Variants in CAMSAP2 observed in about 807,000 individuals in gnomAD.
The protein encoded by CAMSAP2 is calmodulin regulated spectrin associated protein family member 2, also known as calmodulin-regulated spectrin-associated protein 2.
In CAMSAP2, 26 loss-of-function variants were observed where a neutral mutation model predicts 146.1. The observed-to-expected ratio is 0.18, with a 90% CI of 0.13 to 0.25. CAMSAP2 has a LOEUF of 0.25. Ranked by LOEUF, CAMSAP2 falls within the 10% of genes least tolerant of loss-of-function variation. CAMSAP2 has a pLI of 1.00. For missense variants in CAMSAP2, 1,381 were observed against 1,759.3 expected, an observed-to-expected ratio of 0.78 and a Z score of 3.85; for synonymous variants, 499 against 596.6, an observed-to-expected ratio of 0.84 and a Z score of 2.38.
In CAMSAP2 at chr1:200,739,673, G is replaced by C. The variant is rs1299100476; in HGVS notation, c.-155G>C. On this transcript the variant is annotated 5_prime_UTR_variant, in exon 1 of 17. Transcript: ENST00000358823. The surrounding 1 kb of genome is among the most constrained non-coding windows in gnomAD (Gnocchi z 4.8). The stretch of plus-strand genomic sequence containing the variant: ...GCGGGAGGCGGCAGGCGCGCGGCGC[G>C]GACAGCTGAGCTTCTCCTCCGTCGG... 5 of 578,974 alleles carry C rather than the reference G, an allele frequency of 8.6e-6. No homozygotes were observed. The highest frequency in any genetic ancestry group is 7.5e-5 in the East Asian group (2 of 26,822). 35.9% of individuals were successfully genotyped at this position (578,974 alleles called of 1,614,324 possible). A position where few individuals can be genotyped will look rare whatever the true frequency, so the allele number is the denominator to read the frequency against.
Position 200,761,236 on chromosome 1 carries a change from T to C in CAMSAP2, c.399+138T>C, listed in dbSNP as rs1294852226. Reference sequence around the variant, plus strand: ...TAGAGTTTACAACTCATCTTTTTCTTAACCTTGTTTCCAAATGAAGGAAGA... The same window carrying C: ...TAGAGTTTACAACTCATCTTTTTCTCAACCTTGTTTCCAAATGAAGGAAGA... On this transcript the variant is annotated intron_variant, in intron 2 of 16. Coordinates refer to ENST00000358823, the MANE Select transcript of CAMSAP2 (RefSeq NM_203459.4). 6 of 807,548 alleles carry C rather than the reference T, an allele frequency of 7.4e-6. No individual in the cohort carries two copies. In the East Asian group the frequency reaches 1.0e-4, roughly 14 times the overall value. The allele number at this position is 807,548 out of a possible 1,614,324, so 50.0% of individuals were successfully genotyped here. A position where few individuals can be genotyped will look rare whatever the true frequency, so the allele number is the denominator to read the frequency against.
At chr1:200,759,893 T>C (rs964409490) in intron 1 of CAMSAP2, among the ~76,000 whole-genome samples, 1 of 152,194 alleles carries the variant, frequency 6.6e-6, no homozygotes, top group Non-Finnish European at 1.5e-5. Context: ...CAGGGTAGAA[T>C]AGGCAAGAAA....
At position 200,853,277 on chromosome 1, in the gene CAMSAP2, G is replaced by A. The variant is rs1036363290; in HGVS notation, c.3605G>A (p.Arg1202His). ...ACTGTAACCATTTGATTTCTTAGGC[G>A]TAAAACTGAGGAAGAACGTCAGAAG... ...EMEHKKEETR[R>H]KTEEERQKKE... The change falls in exon 13 of 17, where the codon CGT becomes CAT. Residue 1202 changes from arginine to histidine, a missense_variant and splice_region_variant. Around this residue, in one of 4 missense-constraint regions of CAMSAP2, gnomAD observed 560 missense variants for 715.9 expected, o/e 0.78. Transcript: ENST00000358823. The surrounding 1 kb of genome is among the most constrained non-coding windows in gnomAD (Gnocchi z 5.1). 9 of 1,612,406 alleles carry A rather than the reference G, an allele frequency of 5.6e-6. No individual in the cohort carries two copies. The highest frequency in any genetic ancestry group is 2.2e-5 in the East Asian group (1 of 44,832).
chr1:200,817,416 C>T (rs1012736162), intron 4 of CAMSAP2, among the ~76,000 whole-genome samples: 1 of 152,048 alleles, frequency 6.6e-6, no homozygotes, highest in Non-Finnish European at 1.5e-5. Context: ...GTGTGTTTGT[C>T]ATATGCTAAG....
In CAMSAP2 at chr1:200,816,789, T is replaced by C. The variant is rs202175716; in HGVS notation, c.645+1145T>C. Among the ~76,000 whole-genome samples, 432 of 84,752 alleles carry C rather than the reference T, an allele frequency of 5.1e-3. 98 individuals carry two copies. Among genetic ancestry groups the C allele is most frequent in the East Asian group, 0.018 (39 of 2,130 alleles). The allele number at this position is 84,752 out of a possible 152,430, so 55.6% of individuals were successfully genotyped here. A position where few individuals can be genotyped will look rare whatever the true frequency, so the allele number is the denominator to read the frequency against. On this transcript the variant is annotated intron_variant, in intron 4 of 16. Coordinates refer to ENST00000358823, the MANE Select transcript of CAMSAP2 (RefSeq NM_203459.4). ...ACACACACACGCGTGTATATATGTG[T>C]GTACACACACACGCGTGTATATATG...
intron 4 of CAMSAP2, among the ~76,000 whole-genome samples, chr1:200,827,886 A>G (rs886937154): frequency 2.4e-4 from 36 of 152,308 alleles, no homozygotes; most frequent in Middle Eastern, 3.4e-3. Context: ...GGTTTATTAT[A>G]TTCATTTTTT....
At chr1:200,797,469 C>T (rs1310289638) in intron 2 of CAMSAP2, among the ~76,000 whole-genome samples, 1 of 142,170 alleles carries the variant, frequency 7.0e-6, no homozygotes, top group Non-Finnish European at 1.5e-5. Flanking sequence ...TAAATGTCTT[C>T]TTTTGAGAAG....
rs148319973 is a variant in CAMSAP2, at chr1:200,836,750, C to A, written c.927+3905C>A. On this transcript the variant is annotated intron_variant, in intron 6 of 16. Coordinates refer to ENST00000358823, the MANE Select transcript of CAMSAP2 (RefSeq NM_203459.4). ...CTTTTTCTCTGCAACTTTGTCAACA[C>A]CTATTATTTTTTGACTTTTTAGTAA... is the stretch of plus-strand genomic sequence containing the variant. Among the ~76,000 whole-genome samples, 30 of 152,200 alleles carry A rather than the reference C, an allele frequency of 2.0e-4. No homozygotes were observed. The East Asian group carries it at 5.4e-3, about 27-fold the overall frequency.
chr1:200,813,790 G>C (rs187447660), intron 3 of CAMSAP2, among the ~76,000 whole-genome samples: 7 of 152,150 alleles, frequency 4.6e-5, no homozygotes, highest in Non-Finnish European at 8.8e-5. Context: ...ATTAGAAAGT[G>C]TTTGTTTTTT....
chr1:200,857,914 A>T lies in CAMSAP2; in HGVS notation c.4292A>T (p.Tyr1431Phe). 1.9e-6 allele frequency: 3 copies of T among 1,613,946 alleles called. No individual in the cohort carries two copies. The highest frequency in any genetic ancestry group is 2.5e-6 in the Non-Finnish European group (3 of 1,179,860). Reference sequence around the variant, plus strand: ...ACTAAAAAAATGATTGAAGGACTTTACAAATATAATTCTGACAGGAAACAG... The same window carrying T: ...ACTAAAAAAATGATTGAAGGACTTTTCAAATATAATTCTGACAGGAAACAG... ...SITKKMIEGL[Y>F]KYNSDRKQFS... is the part of the protein sequence containing the mutation. The change falls in exon 17 of 17, where the codon TAC becomes TTC. Residue 1431 changes from tyrosine (Y) to phenylalanine (F), a missense_variant. By Grantham distance (22) the Tyr-to-Phe change is conservative. Around this residue, in one of 4 missense-constraint regions of CAMSAP2, gnomAD observed 90 missense variants for 174.4 expected, o/e 0.52. Transcript: ENST00000358823. The surrounding 1 kb of genome is among the most constrained non-coding windows in gnomAD (Gnocchi z 4.7).
In CAMSAP2 at chr1:200,848,731, T is replaced by C; in HGVS notation, c.1962T>C (p.Thr654=). 1 of 1,614,172 alleles carries C rather than the reference T, an allele frequency of 6.2e-7. No homozygotes were observed. Among genetic ancestry groups the C allele is most frequent in the Non-Finnish European group, 8.5e-7 (1 of 1,179,996 alleles). ...SKFLQDYDIR[T]GNTREALSPC... is the part of the protein sequence containing the mutation. ...TTCTTCAGGATTATGATATTCGAAC[T>C]GGCAACACCAGGGAAGCTTTGAGTC... Residue 654 remains threonine, a synonymous_variant, in exon 11 of 17, where the codon ACT becomes ACC. Transcript: ENST00000358823.
Position 200,859,390 on chromosome 1 carries a change from T to A in CAMSAP2, c.*1331T>A, listed in dbSNP as rs1667827936. On this transcript the variant is annotated 3_prime_UTR_variant, in exon 17 of 17. Transcript: ENST00000358823. ...TATATACATTTCTCTAATTGAGTTGTTTAGAGAAAGAACTAATGTCTCATA... is the reference window on the plus strand; with the variant it reads ...TATATACATTTCTCTAATTGAGTTGATTAGAGAAAGAACTAATGTCTCATA... The A allele has an allele frequency of 6.6e-6, 1 of 152,620 alleles. No homozygotes were observed. Among genetic ancestry groups the A allele is most frequent in the South Asian group, 2.1e-4 (1 of 4,832 alleles). 9.5% of individuals were successfully genotyped at this position (152,620 alleles called of 1,614,324 possible).
At chr1:200,774,770 A>C (rs1248444671) in intron 2 of CAMSAP2, among the ~76,000 whole-genome samples, 1 of 152,238 alleles carries the variant, frequency 6.6e-6, no homozygotes, top group Non-Finnish European at 1.5e-5. Context: ...GTTAGTATAT[A>C]ATTCACAAAA....
At chr1:200,798,013 C>T (rs1324642146) in intron 2 of CAMSAP2, among the ~76,000 whole-genome samples, 3 of 151,644 alleles carry the variant, frequency 2.0e-5, no homozygotes, top group Non-Finnish European at 2.9e-5. Context: ...AGGGCTCTGT[C>T]CTGTTCCATT....
At chr1:200,796,323 T>C (rs927180630) in intron 2 of CAMSAP2, among the ~76,000 whole-genome samples, 1 of 152,224 alleles carries the variant, frequency 6.6e-6, no homozygotes, top group Non-Finnish European at 1.5e-5. Flanking sequence ...CTCTGTTCCA[T>C]TGATCTCTGT....
intron 1 of CAMSAP2, among the ~76,000 whole-genome samples, chr1:200,746,586 T>G (rs1571709142): frequency 6.6e-6 from 1 of 151,952 alleles, no homozygotes; most frequent in South Asian, 2.1e-4. Context: ...GTAATTAAAA[T>G]TTAAAAAGTA....
At chr1:200,818,967 CAT>C (rs1666678060) in intron 4 of CAMSAP2, among the ~76,000 whole-genome samples, 1 of 152,188 alleles carries the variant, frequency 6.6e-6, no homozygotes, top group Non-Finnish European at 1.5e-5. Context: ...TGAATAATAA[CAT>C]ATCTTACCTT....
chr1:200,804,835 T>C (rs1475145132), intron 2 of CAMSAP2, among the ~76,000 whole-genome samples: 1 of 152,108 alleles, frequency 6.6e-6, no homozygotes, highest in Non-Finnish European at 1.5e-5. Flanking sequence ...TTATTGATCC[T>C]ACTTTTTCTT....
chr1:200,792,658 G>A (rs1315734430), intron 2 of CAMSAP2, among the ~76,000 whole-genome samples: 1 of 152,194 alleles, frequency 6.6e-6, no homozygotes, highest in Non-Finnish European at 1.5e-5. Flanking sequence ...GGCAGTAGGG[G>A]TGGGGGAGAA....
Sources: allele counts gnomAD v4.1 joint callset (sites outside exome capture counted in the v4.1 genomes callset), GRCh38; gene constraint gnomAD v4.1.1; regional missense constraint gnomAD v4.1.1; non-coding constraint Gnocchi (gnomAD v3.1); transcripts MANE v1.5; gene names NCBI Gene and HGNC (gene_info 2026-07-23, HGNC 2026-07-21).